Variants in TTC32 observed in about 807,000 individuals in gnomAD.
TTC32 encodes tetratricopeptide repeat protein 32.
Under a neutral mutation model 15.3 loss-of-function variants are expected in TTC32, and 16 were observed. That is an observed-to-expected ratio of 1.05 (90% CI 0.71 to 1.59). The LOEUF (loss-of-function observed/expected upper bound fraction) is 1.59. Among genes scored for constraint, TTC32 ranks in the 40% most tolerant of loss-of-function variants. The pLI is 0.00. For synonymous variants in TTC32, 89 were observed against 67.8 expected (o/e 1.31, Z -1.53); for missense variants, 188 against 181.9 (o/e 1.03, Z -0.19).
intron 1 of TTC32, among the ~76,000 whole-genome samples, chr2:19,900,555 CTG>C (rs1444798489): frequency 1.3e-5 from 2 of 152,210 alleles, no homozygotes; most frequent in Non-Finnish European, 2.9e-5. Flanking sequence ...ACCAACCCCT[CTG>C]TTCTTTTCTC....
At chr2:19,901,172 C>G (rs1480171006) in intron 1 of TTC32, 1 of 441,766 alleles carries the variant, frequency 2.3e-6, no homozygotes, top group Non-Finnish European at 4.6e-6. Context: ...TGATAAACAC[C>G]TAGACGTTCG....
At position 19,901,937 on chromosome 2, in the gene TTC32, C is replaced by T. The variant is rs557389802; in HGVS notation, c.-83G>A. On this transcript the variant is annotated 5_prime_UTR_variant, in exon 1 of 3. In the 5' UTR this introduces an upstream ATG that the reference lacks. Coordinates refer to ENST00000333610, the MANE Select transcript of TTC32 (RefSeq NM_001008237.3). ...GTGGCACCACAAAGCCACTTCCACACCCTGGAATCTACCTTGACAGCCAAC... is the reference window on the plus strand; with the variant it reads ...GTGGCACCACAAAGCCACTTCCACATCCTGGAATCTACCTTGACAGCCAAC... 3.2e-3 allele frequency: 4,936 copies of T among 1,533,080 alleles called. 17 individuals carry two copies. Among genetic ancestry groups the T allele is most frequent in the Non-Finnish European group, 3.9e-3 (4,404 of 1,122,416 alleles). The allele number at this position is 1,533,080 out of a possible 1,614,324, so 95.0% of individuals were successfully genotyped here.
At chr2:19,897,378 C>A (rs1365316599) in intron 2 of TTC32, among the ~76,000 whole-genome samples, 2 of 152,064 alleles carry the variant, frequency 1.3e-5, no homozygotes, top group African/African-American at 4.8e-5. Context: ...TAAATATTAT[C>A]AATCATCTTA....
intron 1 of TTC32, among the ~76,000 whole-genome samples, chr2:19,898,912 T>A (rs1669554995): frequency 6.6e-6 from 1 of 152,236 alleles, no homozygotes; most frequent in Non-Finnish European, 1.5e-5. Context: ...TCTGTTTCCC[T>A]TTCTTTTTTC....
intron 1 of TTC32, 199 bp downstream of exon 1, chr2:19,901,507 T>C: frequency 1.5e-6 from 1 of 651,790 alleles, no homozygotes; most frequent in Non-Finnish European, 2.4e-6. Context: ...ACGGGTGGGC[T>C]TCTCCCCGCG....
intron 2 of TTC32, 53 bp downstream of exon 2, chr2:19,897,816 G>A: frequency 1.5e-6 from 2 of 1,352,106 alleles, no homozygotes. Flanking sequence ...TGAAAGCTCT[G>A]AAATAACAGA....
intron 1 of TTC32, chr2:19,901,409 G>A: frequency 5.2e-6 from 2 of 387,110 alleles, no homozygotes; most frequent in East Asian, 5.8e-5. Flanking sequence ...GAGACGGCGG[G>A]GTGAGAGGCG....
chr2:19,901,300 T>C, intron 1 of TTC32: 1 of 296,028 alleles, frequency 3.4e-6, no homozygotes, highest in Non-Finnish European at 6.7e-6. Context: ...CCGTGACCCC[T>C]TCCCTTCCCA....
At chr2:19,897,222 A>C in intron 2 of TTC32, 96 bp from the exon 3 acceptor site, 1 of 1,287,476 alleles carries the variant, frequency 7.8e-7, no homozygotes, top group Non-Finnish European at 1.1e-6. Context: ...TTTTGCTTTT[A>C]TATTTATGAG....
At chr2:19,901,567 G>C in intron 1 of TTC32, 139 bp downstream of exon 1, 1 of 1,222,762 alleles carries the variant, frequency 8.2e-7, no homozygotes, top group Non-Finnish European at 1.1e-6. Context: ...CTAGAAAGAC[G>C]AACGTCCGCC....
At position 19,896,753 on chromosome 2, in the gene TTC32, CTTT is replaced by C. The variant is rs963121649; in HGVS notation, c.*231_*233del. On this transcript the variant is annotated 3_prime_UTR_variant, in exon 3 of 3. Coordinates refer to ENST00000333610, the MANE Select transcript of TTC32 (RefSeq NM_001008237.3). ...TTGCTGAAGAAAATACCACACATTC[CTTT>C]TTACTATAATATTTAATATAATAAT... 2 of 174,332 alleles carry C rather than the reference CTTT, an allele frequency of 1.1e-5. No homozygotes were observed. The highest frequency in any genetic ancestry group is 4.8e-5 in the African/African-American group (2 of 42,036). The allele number at this position is 174,332 out of a possible 1,614,324, so 10.8% of individuals were successfully genotyped here.
rs747293772 is a variant in TTC32, at chr2:19,897,926, C to T, written c.259G>A (p.Val87Ile). 3 of 1,612,602 alleles carry T rather than the reference C, an allele frequency of 1.9e-6. No homozygotes were observed. In the East Asian group the frequency reaches 6.7e-5, roughly 36 times the overall value. ...AMDDYTSAIE[V>I]QPNFEVPYYN... ...TATGGAACTTCAAAATTGGGTTGGA[C>T]TTCTATGGCAGATGTGTAGTCATCC... Residue 87 changes from valine to isoleucine, a missense_variant, in exon 2 of 3, where the codon GTC (valine) becomes ATC (isoleucine). Coordinates refer to ENST00000333610, the MANE Select transcript of TTC32 (RefSeq NM_001008237.3).
chr2:19,901,136 G>A, intron 1 of TTC32: 2 of 467,218 alleles, frequency 4.3e-6, no homozygotes, highest in Non-Finnish European at 8.9e-6. Flanking sequence ...GAATACAATA[G>A]GTAAACTGAT....
intron 1 of TTC32, among the ~76,000 whole-genome samples, chr2:19,900,051 T>A (rs1340222502): frequency 6.6e-6 from 1 of 152,214 alleles, no homozygotes; most frequent in Non-Finnish European, 1.5e-5. Context: ...TCAGGCATGA[T>A]GAACTCCCTT....
In TTC32 at chr2:19,897,022, C is replaced by T; in HGVS notation, c.421G>A (p.Glu141Lys). Residue 141 changes from glutamate (E) to lysine (K), a missense_variant, in exon 3 of 3, where the codon GAA becomes AAA. By Grantham distance (56) the Glu-to-Lys change is moderately conservative. Coordinates refer to ENST00000333610, the MANE Select transcript of TTC32 (RefSeq NM_001008237.3). ...SLKQTILDKE[E>K]KQRRNVAKNY ...TTTGCAACATTTCTTCTTTGTTTTT[C>T]TTCTTTGTCTAGAATAGTCTGTTTT... 6.3e-7 allele frequency: 1 copy of T among 1,588,702 alleles called. No homozygotes were observed. Among genetic ancestry groups the T allele is most frequent in the Non-Finnish European group, 8.6e-7 (1 of 1,169,356 alleles).
chr2:19,897,657 G>A (rs558659055), intron 2 of TTC32, among the ~76,000 whole-genome samples: 1 of 152,272 alleles, frequency 6.6e-6, no homozygotes, highest in East Asian at 1.9e-4. Context: ...CCTGCGCCCA[G>A]GTCCAATTCC....
At position 19,901,859 on chromosome 2, in the gene TTC32, G is replaced by A. The variant is rs1482653109; in HGVS notation, c.-5C>T. 3.1e-6 allele frequency: 5 copies of A among 1,614,002 alleles called. No homozygotes were observed. The East Asian group carries it at 6.7e-5, about 22-fold the overall frequency. ...TTCTTGCCGCTGTCCTTCCATAGCA[G>A]CCAAGGCCTAGTTTTCGGTGTAGAA... is the stretch of plus-strand genomic sequence containing the variant. On this transcript the variant is annotated 5_prime_UTR_variant, in exon 1 of 3. Transcript: ENST00000333610.
At chr2:19,897,247 T>C (rs2103366159) in intron 2 of TTC32, 121 bp from the exon 3 acceptor site, 1 of 955,614 alleles carries the variant, frequency 1.0e-6, no homozygotes, top group Middle Eastern at 3.4e-4. Flanking sequence ...CAGTCACTTC[T>C]AGTAAAGGAA....
chr2:19,899,096 C>T (rs898028004), intron 1 of TTC32, among the ~76,000 whole-genome samples: 1 of 152,254 alleles, frequency 6.6e-6, no homozygotes, highest in Non-Finnish European at 1.5e-5. Flanking sequence ...ACTGTAACTA[C>T]TGCTACCCTA....
Sources: gnomAD v4.1 joint callset for allele counts (sites outside exome capture counted in the v4.1 genomes callset) on GRCh38, gnomAD v4.1.1 for gene constraint, MANE v1.5 for transcripts, NCBI Gene and HGNC (gene_info 2026-07-23, HGNC 2026-07-21) for gene names.